Variants in PNPLA1 observed in about 807,000 individuals in gnomAD.
PNPLA1 encodes omega-hydroxyceramide transacylase.
PNPLA1 carries 36 observed loss-of-function variants against 51.7 expected under a neutral mutation model. That is an observed-to-expected ratio of 0.70 (90% confidence interval 0.53 to 0.92). PNPLA1 has a LOEUF of 0.92. Among genes scored for constraint, PNPLA1 ranks in the 40% least tolerant of loss-of-function variants. The probability of loss-of-function intolerance (pLI) is 0.00; values close to 1 mark genes in which losing one functional copy is unlikely to be tolerated. For synonymous variants in PNPLA1, 293 were observed against 280.1 expected, an observed-to-expected ratio of 1.05 and a Z score of -0.46; for missense variants, 658 against 682.5, an observed-to-expected ratio of 0.96 and a Z score of 0.40.
chr6:36,285,709 G>A (rs1372197457), intron 1 of PNPLA1, among the ~76,000 whole-genome samples: 1 of 152,182 alleles, frequency 6.6e-6, no homozygotes, highest in Non-Finnish European at 1.5e-5. Flanking sequence ...AGGGACAAAA[G>A]AATGAACAAG....
chr6:36,266,587 G>A (rs1343361503), upstream of PNPLA1, among the ~76,000 whole-genome samples: 1 of 152,112 alleles, frequency 6.6e-6, no homozygotes, highest in African/African-American at 2.4e-5. Context: ...GATGATCACC[G>A]TGAGCTCATG....
chr6:36,306,432 G>T, intron 7 of PNPLA1, 56 bp downstream of exon 7: 2 of 1,486,214 alleles, frequency 1.3e-6, no homozygotes, highest in South Asian at 1.2e-5. Context: ...AAGCAAGCCC[G>T]GCTAAGCGAT....
At position 36,302,304 on chromosome 6, in the gene PNPLA1, C is replaced by A. The variant is rs963029632; in HGVS notation, c.1219C>A (p.Pro407Thr). Residue 407 changes from proline (P) to threonine (T), a missense_variant, in exon 6 of 9, where the codon CCG becomes ACG. Coordinates refer to ENST00000636260, the MANE Select transcript of PNPLA1 (RefSeq NM_001374623.1). ...TCTGTCACCTCAGCAGCAGGTACAA[C>A]CGTCTGGATCACCAGCCAGATCCCT... ...SPLSPQQQVQ[P>T]SGSPARSLHS... 4 of 1,613,994 alleles carry A rather than the reference C, an allele frequency of 2.5e-6. No homozygotes were observed. Among genetic ancestry groups the A allele is most frequent in the Admixed American group, 3.3e-5 (2 of 60,008 alleles).
intron 8 of PNPLA1, among the ~76,000 whole-genome samples, chr6:36,309,164 A>T (rs546101928): frequency 6.6e-6 from 1 of 152,088 alleles, no homozygotes; most frequent in Non-Finnish European, 1.5e-5. Context: ...AATGCACTTG[A>T]TGAGTGGTGG....
chr6:36,258,685 C>T (rs1769582792), intron 1 of PNPLA1, among the ~76,000 whole-genome samples: 1 of 152,194 alleles, frequency 6.6e-6, no homozygotes, highest in Admixed American at 6.5e-5. Flanking sequence ...TCTGCTCTTT[C>T]TTAAACTCCT....
intron 2 of PNPLA1, among the ~76,000 whole-genome samples, chr6:36,292,704 G>A (rs930411570): frequency 6.6e-6 from 1 of 152,182 alleles, no homozygotes; most frequent in Admixed American, 6.5e-5. Flanking sequence ...CCAAAGGTGG[G>A]CCTCTCAGCC....
intron 2 of PNPLA1, 24 bp downstream of exon 2, chr6:36,291,576 A>T: frequency 8.4e-5 from 5 of 59,518 alleles, no homozygotes; most frequent in Admixed American, 4.2e-4. Context: ...GCTGGGAGGG[A>T]GGGACACGGA....
chr6:36,270,961 T>G (rs1441701882), intron 1 of PNPLA1, among the ~76,000 whole-genome samples: 5 of 152,126 alleles, frequency 3.3e-5, no homozygotes, highest in Non-Finnish European at 1.5e-5. Flanking sequence ...GGACAGTATC[T>G]CCCTCGAACA....
At chr6:36,290,394 G>A (rs1770638978) in intron 1 of PNPLA1, among the ~76,000 whole-genome samples, 1 of 152,158 alleles carries the variant, frequency 6.6e-6, no homozygotes, top group Non-Finnish European at 1.5e-5. Context: ...GCAGGAGCCT[G>A]GGCTCTGGGG....
chr6:36,253,394 T>C (rs182269455), intron 1 of PNPLA1, among the ~76,000 whole-genome samples: 93 of 152,318 alleles, frequency 6.1e-4, no homozygotes, highest in Non-Finnish European at 1.0e-3. Context: ...GTAGGTTATT[T>C]CCTTAGAATA....
At chr6:36,274,009 T>C (rs1770014299) in intron 1 of PNPLA1, among the ~76,000 whole-genome samples, 1 of 152,182 alleles carries the variant, frequency 6.6e-6, no homozygotes, top group African/African-American at 2.4e-5. Flanking sequence ...AGCATGTTTA[T>C]GAGACTTGTC....
At chr6:36,275,681 G>A (rs1429931627) in intron 1 of PNPLA1, among the ~76,000 whole-genome samples, 2 of 152,144 alleles carry the variant, frequency 1.3e-5, no homozygotes, top group African/African-American at 4.8e-5. Context: ...CATCACATAT[G>A]ACAAGCAATC....
exon 1 of PNPLA1, chr6:36,243,222 G>C (rs1038166233): frequency 7.2e-5 from 11 of 152,252 alleles, no homozygotes; most frequent in Admixed American, 6.5e-4. Flanking sequence ...ACAATGGAAG[G>C]CTTCTTGGAG....
chr6:36,265,137 T>C (rs1011669644), upstream of PNPLA1, among the ~76,000 whole-genome samples: 1 of 152,178 alleles, frequency 6.6e-6, no homozygotes, highest in Non-Finnish European at 1.5e-5. Flanking sequence ...GGTCAGGAGT[T>C]TGTGACTAGC....
At chr6:36,279,219 G>GC (rs1770203787) in intron 1 of PNPLA1, among the ~76,000 whole-genome samples, 2 of 152,158 alleles carry the variant, frequency 1.3e-5, no homozygotes, top group South Asian at 4.1e-4. Flanking sequence ...CATGTGTTTT[G>GC]CCCCCTGCCC....
intron 1 of PNPLA1, among the ~76,000 whole-genome samples, chr6:36,259,918 T>C (rs1769611320): frequency 6.6e-6 from 1 of 151,810 alleles, no homozygotes; most frequent in Non-Finnish European, 1.5e-5. Flanking sequence ...ACCCCAAACC[T>C]CAGCATCACA....
At chr6:36,300,178 T>TGTGTGTGTGTGTGAGAGAGAGAGAGAGA in intron 5 of PNPLA1, among the ~76,000 whole-genome samples, 3 of 98,142 alleles carry the variant, frequency 3.1e-5, no homozygotes, top group African/African-American at 1.0e-4. Context: ...TGTGTGTGTG[T>TGTGTGTGTGTGTGAGAGAGAGAGAGAGA]GAGAGAGAGA....
Position 36,294,019 on chromosome 6 carries a change from C to T in PNPLA1, c.505-171C>T. 5 of 724,620 alleles carry T rather than the reference C, an allele frequency of 6.9e-6. No homozygotes were observed. The highest frequency in any genetic ancestry group is 5.4e-5 in the East Asian group (2 of 37,066). 44.9% of individuals were successfully genotyped at this position (724,620 alleles called of 1,614,324 possible). ...CAGACTCACTAAGTGACCAGGGGCA[C>T]ACCACGCACCCACCAGGACCTCCGT... On this transcript the variant is annotated intron_variant, in intron 3 of 8. Transcript: ENST00000636260. This position sits in a 1 kb window ranked among gnomAD's most constrained non-coding sequence, Gnocchi z 4.2.
upstream of PNPLA1, among the ~76,000 whole-genome samples, chr6:36,268,397 G>A (rs537749613): frequency 3.7e-4 from 57 of 152,244 alleles, no homozygotes; most frequent in African/African-American, 1.3e-3. Context: ...TCATGCACAG[G>A]TCACACTGCC....
Sources: allele counts gnomAD v4.1 joint callset (sites outside exome capture counted in the v4.1 genomes callset), GRCh38; gene constraint gnomAD v4.1.1; non-coding constraint Gnocchi (gnomAD v3.1); transcripts MANE v1.5; gene names NCBI Gene and HGNC (gene_info 2026-07-23, HGNC 2026-07-21).